ZNF578: variants seen among roughly 807,000 people sequenced by gnomAD.
The protein encoded by ZNF578 is zinc finger protein 578.
In ZNF578, 8 loss-of-function variants were observed where a neutral mutation model predicts 8.3. That is an observed-to-expected ratio of 0.96 (90% CI 0.56 to 1.74). ZNF578 has a LOEUF of 1.74. Ranked by LOEUF, ZNF578 falls within the 40% of genes most tolerant of loss-of-function variation. ZNF578 has a pLI of 0.00. For synonymous variants in ZNF578, 206 were observed against 232.2 expected (o/e 0.89, Z 1.03); for missense variants, 726 against 707.5 (o/e 1.03, Z -0.30).
In ZNF578 at chr19:52,515,900, G is replaced by A. The variant is rs1037533861; in HGVS notation, c.*3746G>A. On this transcript the variant is annotated 3_prime_UTR_variant, in exon 6 of 6. Transcript: ENST00000421239. Reference sequence around the variant, plus strand: ...TGAGGACATCACAGCAAAATCTAAAGCAGGTCACGTCAATCCCTGGCAGGG... The same window carrying A: ...TGAGGACATCACAGCAAAATCTAAAACAGGTCACGTCAATCCCTGGCAGGG... Among the ~76,000 whole-genome samples the A allele has an allele frequency of 3.9e-5, 6 of 152,084 alleles. No homozygotes were observed. Among genetic ancestry groups the A allele is most frequent in the African/African-American group, 2.4e-5 (1 of 41,406 alleles).
intron 2 of ZNF578, among the ~76,000 whole-genome samples, chr19:52,465,217 G>A (rs191227665): frequency 2.6e-4 from 39 of 152,174 alleles, no homozygotes; most frequent in African/African-American, 8.9e-4. Flanking sequence ...AATGAACTGC[G>A]GGGCAGGTAA....
intron 3 of ZNF578, among the ~76,000 whole-genome samples, chr19:52,498,464 T>C (rs4802964): frequency 0.19 from 28,256 of 151,500 alleles, 3,190 homozygotes; most frequent in East Asian, 0.48. Flanking sequence ...CCGGAGTAGC[T>C]GGGACTACAG....
chr19:52,480,105 T>C (rs2122837100), intron 2 of ZNF578, among the ~76,000 whole-genome samples: 1 of 152,238 alleles, frequency 6.6e-6, no homozygotes, highest in East Asian at 1.9e-4. Context: ...GAGACGGGGT[T>C]TCACCGTGTT....
rs1381647154 is a variant in ZNF578, at chr19:52,510,760, G to A, written c.379G>A (p.Ala127Thr). 1 of 1,612,932 alleles carries A rather than the reference G, an allele frequency of 6.2e-7. No individual in the cohort carries two copies. The highest frequency in any genetic ancestry group is 8.5e-7 in the Non-Finnish European group (1 of 1,179,392). Residue 127 changes from alanine (A) to threonine (T), a missense_variant, in exon 6 of 6, where the codon GCA becomes ACA. By Grantham distance (58) the Ala-to-Thr change is moderately conservative. Coordinates refer to ENST00000421239, the MANE Select transcript of ZNF578 (RefSeq NM_001099694.2). ...AAAAGATGAAAGAAATGGCCATGAA[G>A]CATCCATGCCAAAAATCAAAGAGTT... ...SQKDERNGHE[A>T]SMPKIKELMG...
At chr19:52,488,298 T>A (rs1220305942) in intron 2 of ZNF578, among the ~76,000 whole-genome samples, 7 of 151,612 alleles carry the variant, frequency 4.6e-5, no homozygotes, top group African/African-American at 1.4e-4. Flanking sequence ...CTCACACCTG[T>A]AATCCCAGCA....
At chr19:52,497,250 C>T (rs945271265) in intron 3 of ZNF578, among the ~76,000 whole-genome samples, 46 of 152,354 alleles carry the variant, frequency 3.0e-4, no homozygotes, top group African/African-American at 1.1e-3. Context: ...CAGACGCCCA[C>T]CACCCTCCCA....
intron 2 of ZNF578, among the ~76,000 whole-genome samples, chr19:52,485,354 A>G (rs966744798): frequency 1.3e-5 from 2 of 152,176 alleles, no homozygotes; most frequent in African/African-American, 4.8e-5. Flanking sequence ...CATTTTGCAA[A>G]TAGAGCTTTT....
chr19:52,479,050 C>T (rs971295962), intron 2 of ZNF578, among the ~76,000 whole-genome samples: 3 of 151,994 alleles, frequency 2.0e-5, no homozygotes, highest in Admixed American at 6.6e-5. Flanking sequence ...CCTGCTCTGT[C>T]CCAATTTTTC....
chr19:52,466,234 C>A (rs905364599), intron 2 of ZNF578, among the ~76,000 whole-genome samples: 3 of 152,174 alleles, frequency 2.0e-5, no homozygotes, highest in African/African-American at 7.2e-5. Flanking sequence ...CTGATTTATT[C>A]TTTAACTTAT....
chr19:52,471,990 C>A (rs1673894), intron 2 of ZNF578, among the ~76,000 whole-genome samples: 128,366 of 152,050 alleles, frequency 0.84, 56,035 homozygotes, highest in Non-Finnish European at 0.96. Context: ...AACCTCATAC[C>A]TTTTTACATC....
rs2059451699 is a variant in ZNF578 at position 52,512,208 on chromosome 19, G to A, written c.*54G>A. 7 of 1,609,202 alleles carry A rather than the reference G, an allele frequency of 4.3e-6. No homozygotes were observed. Among genetic ancestry groups the A allele is most frequent in the Admixed American group, 1.7e-5 (1 of 59,486 alleles). On this transcript the variant is annotated 3_prime_UTR_variant, in exon 6 of 6. Coordinates refer to ENST00000421239, the MANE Select transcript of ZNF578 (RefSeq NM_001099694.2). ...TGTGAAGCATGTGACAAAGTTTTCA[G>A]TCACAGATCACGCCTTAAAAGACAT... is the stretch of plus-strand genomic sequence containing the variant.
chr19:52,504,839 C>G, intron 5 of ZNF578, 58 bp downstream of exon 5: 1 of 1,598,806 alleles, frequency 6.3e-7, no homozygotes, highest in Non-Finnish European at 8.5e-7. Flanking sequence ...TTGGCTCTTC[C>G]TGGTTTTGTA....
intron 4 of ZNF578, among the ~76,000 whole-genome samples, chr19:52,502,596 G>A (rs929314706): frequency 4.6e-5 from 7 of 152,110 alleles, no homozygotes; most frequent in African/African-American, 1.7e-4. Flanking sequence ...AATTAGCTGT[G>A]TGTGGCGGTG....
chr19:52,497,853 T>C (rs759951705), intron 3 of ZNF578, among the ~76,000 whole-genome samples: 47 of 152,304 alleles, frequency 3.1e-4, no homozygotes, highest in Non-Finnish European at 5.6e-4. Context: ...TCTAAGTAAG[T>C]GTCCCCCTCA....
chr19:52,501,435 T>G (rs1341802437), intron 3 of ZNF578, among the ~76,000 whole-genome samples: 1 of 152,218 alleles, frequency 6.6e-6, no homozygotes, highest in African/African-American at 2.4e-5. Context: ...TTGTCATCTG[T>G]GTGCAGCATT....
At chr19:52,470,283 C>A (rs1450210917) in intron 2 of ZNF578, among the ~76,000 whole-genome samples, 1 of 152,154 alleles carries the variant, frequency 6.6e-6, no homozygotes, top group African/African-American at 2.4e-5. Flanking sequence ...TGCCTCTAGA[C>A]CTGTAACTAG....
chr19:52,453,713 C>T (rs1159687665), intron 1 of ZNF578, 106 bp downstream of exon 1: 1 of 152,280 alleles, frequency 6.6e-6, no homozygotes, highest in Non-Finnish European at 1.5e-5. Flanking sequence ...TTCCCTCCAT[C>T]CTAGGTATAT....
intron 2 of ZNF578, chr19:52,458,874 C>T (rs936825207): frequency 1.3e-5 from 2 of 152,042 alleles, no homozygotes; most frequent in African/African-American, 4.8e-5. Context: ...TTGCGTATAT[C>T]ATAAGTATTT....
intron 4 of ZNF578, among the ~76,000 whole-genome samples, chr19:52,503,853 A>C (rs1444166429): frequency 6.8e-6 from 1 of 146,964 alleles, no homozygotes; most frequent in Non-Finnish European, 1.5e-5. Flanking sequence ...GCTAAAGTGC[A>C]GTGGTGCAAT....
Sources: allele counts gnomAD v4.1 joint callset (sites outside exome capture counted in the v4.1 genomes callset), GRCh38; gene constraint gnomAD v4.1.1; transcripts MANE v1.5; gene names NCBI Gene and HGNC (gene_info 2026-07-23, HGNC 2026-07-21).